Variants in NAALADL2 observed in about 807,000 individuals in gnomAD.
The protein encoded by NAALADL2 is inactive N-acetylated-alpha-linked acidic dipeptidase-like protein 2.
A neutral mutation model predicts 87.2 loss-of-function variants in NAALADL2; 76 were observed. That is an observed-to-expected ratio of 0.87 (90% CI 0.72 to 1.05). The LOEUF is 1.05. Among genes scored for constraint, NAALADL2 ranks in the 50% least tolerant of loss-of-function variants. NAALADL2 has a pLI of 0.00. For synonymous variants in NAALADL2, 354 were observed against 331.0 expected, an observed-to-expected ratio of 1.07 and a Z score of -0.75; for missense variants, 1,089 against 945.8, an observed-to-expected ratio of 1.15 and a Z score of -1.99.
At chr3:175,447,105 A>T in intron 5 of NAALADL2, 124 bp from the exon 6 acceptor site, 1 of 607,908 alleles carries the variant, frequency 1.6e-6, no homozygotes, top group African/African-American at 1.9e-5. Flanking sequence ...TAAGGAGTAG[A>T]TAAACAAGTG....
chr3:174,652,835 G>A (rs1724510189), intron 2 of NAALADL2, among the ~76,000 whole-genome samples: 1 of 151,452 alleles, frequency 6.6e-6, no homozygotes, highest in East Asian at 1.9e-4. Flanking sequence ...TTCACAAAGG[G>A]CACATAGATA....
chr3:175,516,080 G>A (rs1184336768), intron 9 of NAALADL2, among the ~76,000 whole-genome samples: 4 of 152,324 alleles, frequency 2.6e-5, no homozygotes, highest in South Asian at 2.1e-4. Flanking sequence ...TGACTAAACT[G>A]AGCATGTGAT....
intron 11 of NAALADL2, among the ~76,000 whole-genome samples, chr3:175,665,934 C>CG (rs1032899319): frequency 6.6e-6 from 1 of 151,452 alleles, no homozygotes; most frequent in Admixed American, 6.6e-5. Flanking sequence ...TGTCCCCCCC[C>CG]CAAAAAAAAG....
At chr3:174,964,306 CT>C (rs1457283702) in intron 1 of NAALADL2, among the ~76,000 whole-genome samples, 1 of 151,986 alleles carries the variant, frequency 6.6e-6, no homozygotes, top group Non-Finnish European at 1.5e-5. Context: ...ATCAAGAGTT[CT>C]TTGGACATGC....
intron 2 of NAALADL2, among the ~76,000 whole-genome samples, chr3:174,708,362 A>G (rs1178313417): frequency 6.6e-6 from 1 of 152,156 alleles, no homozygotes; most frequent in Non-Finnish European, 1.5e-5. Flanking sequence ...GCTTGCCAAT[A>G]TGTTTGTTTC....
chr3:175,697,169 G>A (rs1737916740), intron 11 of NAALADL2, among the ~76,000 whole-genome samples: 1 of 152,004 alleles, frequency 6.6e-6, no homozygotes, highest in Admixed American at 6.6e-5. Flanking sequence ...AGATTTTATG[G>A]TGAAATTTAA....
intron 4 of NAALADL2, among the ~76,000 whole-genome samples, chr3:175,258,403 G>A (rs1207048385): frequency 6.6e-6 from 1 of 151,454 alleles, no homozygotes; most frequent in East Asian, 1.9e-4. Context: ...TCTTGAATGT[G>A]TATGTATACT....
At chr3:175,104,498 AT>A (rs1722762847) in intron 2 of NAALADL2, among the ~76,000 whole-genome samples, 1 of 151,848 alleles carries the variant, frequency 6.6e-6, no homozygotes, top group Admixed American at 6.6e-5. Flanking sequence ...CTTTCCAACC[AT>A]TTTTTTGGCC....
intron 9 of NAALADL2, among the ~76,000 whole-genome samples, chr3:175,530,974 G>A (rs1031199819): frequency 5.9e-5 from 9 of 152,034 alleles, no homozygotes; most frequent in Non-Finnish European, 1.3e-4. Flanking sequence ...AGATGGCAGG[G>A]CCTTACTCCA....
intron 1 of NAALADL2, among the ~76,000 whole-genome samples, chr3:174,894,901 AG>A (rs1401134697): frequency 5.9e-5 from 9 of 152,246 alleles, no homozygotes; most frequent in African/African-American, 2.2e-4. Context: ...ATACAAATAC[AG>A]GGAAATTAAA....
At chr3:174,780,892 C>T (rs538492207) in intron 3 of NAALADL2, among the ~76,000 whole-genome samples, 6 of 152,046 alleles carry the variant, frequency 3.9e-5, no homozygotes, top group South Asian at 2.1e-4. Flanking sequence ...TTTACAATTT[C>T]GTATGTTTTT....
intron 3 of NAALADL2, among the ~76,000 whole-genome samples, chr3:174,789,347 T>C (rs1214090943): frequency 2.0e-5 from 3 of 152,002 alleles, no homozygotes; most frequent in Non-Finnish European, 2.9e-5. Context: ...TGAGGTAGGG[T>C]AGGTAGAGGA....
intron 2 of NAALADL2, among the ~76,000 whole-genome samples, chr3:174,568,969 C>T (rs113497799): frequency 0.018 from 2,678 of 150,950 alleles, 37 homozygotes; most frequent in Non-Finnish European, 0.026. Context: ...AACATTTTAC[C>T]CATATAAAAG....
intron 1 of NAALADL2, among the ~76,000 whole-genome samples, chr3:174,881,616 T>C (rs765272903): frequency 6.6e-6 from 1 of 152,170 alleles, no homozygotes; most frequent in Non-Finnish European, 1.5e-5. Flanking sequence ...ATTATGCTTG[T>C]TTTTATTGTT....
intron 2 of NAALADL2, among the ~76,000 whole-genome samples, chr3:174,707,562 C>T (rs563879332): frequency 1.3e-4 from 19 of 148,762 alleles, no homozygotes; most frequent in Middle Eastern, 6.9e-3. Flanking sequence ...AACCAAACAC[C>T]GCATGTTCTC....
intron 1 of NAALADL2, among the ~76,000 whole-genome samples, chr3:175,017,965 G>A (rs1751069536): frequency 6.6e-6 from 1 of 152,038 alleles, no homozygotes; most frequent in African/African-American, 2.4e-5. Flanking sequence ...GCAAGCATAT[G>A]AAAGGTGGTG....
At chr3:175,228,764 T>C (rs1475779818) in intron 2 of NAALADL2, among the ~76,000 whole-genome samples, 2 of 151,968 alleles carry the variant, frequency 1.3e-5, no homozygotes, top group South Asian at 2.1e-4. Context: ...TTCTAGAGAG[T>C]AGATCGAGAA....
intron 2 of NAALADL2, among the ~76,000 whole-genome samples, chr3:174,642,291 A>G (rs985376454): frequency 2.6e-5 from 4 of 151,636 alleles, no homozygotes; most frequent in Non-Finnish European, 5.9e-5. Flanking sequence ...ACTTGAGGTC[A>G]GGAATTCAAG....
At chr3:175,779,498 T>C (rs560993256) in intron 13 of NAALADL2, among the ~76,000 whole-genome samples, 1 of 152,010 alleles carries the variant, frequency 6.6e-6, no homozygotes, top group South Asian at 2.1e-4. Context: ...CCTACCTCAA[T>C]AGGGCAAAAA....
Sources: gnomAD v4.1 joint callset for allele counts (sites outside exome capture counted in the v4.1 genomes callset) on GRCh38, gnomAD v4.1.1 for gene constraint, MANE v1.5 for transcripts, NCBI Gene and HGNC (gene_info 2026-07-23, HGNC 2026-07-21) for gene names.